Variants in SACM1L observed in about 807,000 individuals in gnomAD.
SACM1L encodes phosphatidylinositol-3-phosphatase SAC1.
A neutral mutation model predicts 89.5 loss-of-function variants in SACM1L; 32 were observed. The ratio of observed to expected loss-of-function variants is 0.36; its 90% CI spans 0.27 to 0.48. The LOEUF (loss-of-function observed/expected upper bound fraction) is 0.48. SACM1L is among the 20% of genes least tolerant of loss of function. The probability of loss-of-function intolerance (pLI) is 0.99; values close to 1 mark genes in which losing one functional copy is unlikely to be tolerated. For synonymous variants in SACM1L, 213 were observed against 232.8 expected, an observed-to-expected ratio of 0.92 and a Z score of 0.77; for missense variants, 543 against 708.5, an observed-to-expected ratio of 0.77 and a Z score of 2.65.
At chr3:45,723,395 A>T in intron 10 of SACM1L, 80 bp from the exon 11 acceptor site, 1 of 533,548 alleles carries the variant, frequency 1.9e-6, no homozygotes, top group Non-Finnish European at 2.8e-6. Context: ...GAGGTCCTTT[A>T]AAAATATTAT....
At chr3:45,738,759 A>C (rs1699257460) in intron 17 of SACM1L, 22 bp from the exon 18 acceptor site, 1 of 1,572,270 alleles carries the variant, frequency 6.4e-7, no homozygotes, top group Non-Finnish European at 8.7e-7. Context: ...TGAGTTTACG[A>C]ATTTCTTCCT....
At chr3:45,723,569 G>A (rs28694281) in intron 11 of SACM1L, 26 bp downstream of exon 11, 70 of 1,244,702 alleles carry the variant, frequency 5.6e-5, no homozygotes, top group South Asian at 1.4e-4. Context: ...TTCTTGGGGG[G>A]AAAAAAAAGC....
intron 7 of SACM1L, among the ~76,000 whole-genome samples, 158 bp downstream of exon 7, chr3:45,714,237 G>GGTTTTTTT (rs1698592063): frequency 5.4e-5 from 1 of 18,602 alleles, no homozygotes; most frequent in Non-Finnish European, 1.2e-4. Context: ...TTGCTATTTT[G>GGTTTTTTT]TTTGTTTTTT....
intron 1 of SACM1L, 123 bp downstream of exon 1, chr3:45,689,620 C>A: frequency 1.7e-6 from 2 of 1,209,480 alleles, no homozygotes; most frequent in Non-Finnish European, 2.4e-6. Context: ...TCGCATTTAC[C>A]GGTTTTCCTC....
intron 7 of SACM1L, among the ~76,000 whole-genome samples, chr3:45,718,008 G>A (rs545765742): frequency 2.0e-5 from 3 of 152,334 alleles, no homozygotes; most frequent in South Asian, 4.1e-4. Context: ...GAAGCAATAT[G>A]GAATTTCCTA....
intron 19 of SACM1L, among the ~76,000 whole-genome samples, chr3:45,742,262 G>T (rs1303745844): frequency 1.3e-5 from 2 of 152,208 alleles, no homozygotes; most frequent in Non-Finnish European, 2.9e-5. Flanking sequence ...TATATTTTGA[G>T]TAAAAAGAGA....
At chr3:45,739,763 T>C (rs1441154092) in intron 19 of SACM1L, 119 bp downstream of exon 19, 2 of 885,924 alleles carry the variant, frequency 2.3e-6, no homozygotes, top group East Asian at 4.8e-5. Flanking sequence ...ATGGGTAAAG[T>C]GGATGTGACA....
At chr3:45,714,866 C>T (rs559985411) in intron 7 of SACM1L, among the ~76,000 whole-genome samples, 6 of 152,256 alleles carry the variant, frequency 3.9e-5, no homozygotes, top group African/African-American at 1.4e-4. Flanking sequence ...CTCATGAGTG[C>T]CTATCCAGTT....
At chr3:45,711,987 T>C (rs921897647) in intron 5 of SACM1L, among the ~76,000 whole-genome samples, 3 of 152,252 alleles carry the variant, frequency 2.0e-5, no homozygotes, top group Admixed American at 1.3e-4. Context: ...CATTTAACTT[T>C]ATAGAAACAG....
chr3:45,700,413 GA>G (rs1387985187), intron 1 of SACM1L, among the ~76,000 whole-genome samples: 2 of 152,158 alleles, frequency 1.3e-5, no homozygotes, highest in Non-Finnish European at 2.9e-5. Context: ...TCACCTTCCT[GA>G]GACCTTTCTG....
rs1269547269 is a variant in SACM1L at position 45,744,741 on chromosome 3, G to A, written c.*1072G>A. ...AAAACAAACCTGAAAAATATGCTTCGGAAACTGTGCATAGTTCTAATTGTA... is the reference window on the plus strand; with the variant it reads ...AAAACAAACCTGAAAAATATGCTTCAGAAACTGTGCATAGTTCTAATTGTA... On this transcript the variant is annotated 3_prime_UTR_variant, in exon 20 of 20. Transcript: ENST00000389061. 5 of 152,646 alleles carry A rather than the reference G, an allele frequency of 3.3e-5. No homozygotes were observed. The highest frequency in any genetic ancestry group is 6.8e-3 in the Middle Eastern group (2 of 294). The allele number at this position is 152,646 out of a possible 1,614,324, so 9.5% of individuals were successfully genotyped here. A position where few individuals can be genotyped will look rare whatever the true frequency, so the allele number is the denominator to read the frequency against.
intron 11 of SACM1L, among the ~76,000 whole-genome samples, chr3:45,727,469 A>AAAATGTGT (rs1402559761): frequency 6.6e-6 from 1 of 152,166 alleles, no homozygotes; most frequent in Non-Finnish European, 1.5e-5. Context: ...TACTTGTAAA[A>AAAATGTGT]AAATGTGTAT....
intron 1 of SACM1L, among the ~76,000 whole-genome samples, chr3:45,699,910 TAATA>T (rs1342872739): frequency 6.6e-6 from 1 of 152,226 alleles, no homozygotes; most frequent in Non-Finnish European, 1.5e-5. Context: ...GCTGATTTTA[TAATA>T]AATACTTTAT....
At chr3:45,712,174 G>A (rs562718798) in intron 5 of SACM1L, among the ~76,000 whole-genome samples, 1 of 135,828 alleles carries the variant, frequency 7.4e-6, no homozygotes, top group South Asian at 2.1e-4. Context: ...TAGAGTCGGC[G>A]GTGCTGGTGG....
At chr3:45,741,506 C>A (rs1200779949) in intron 19 of SACM1L, among the ~76,000 whole-genome samples, 3 of 152,220 alleles carry the variant, frequency 2.0e-5, no homozygotes, top group Non-Finnish European at 4.4e-5. Context: ...TCTCCTTTGT[C>A]CAGGATATAG....
chr3:45,721,976 ATTC>A, intron 8 of SACM1L, 21 bp from the exon 9 acceptor site: 1 of 1,518,486 alleles, frequency 6.6e-7, no homozygotes, highest in Non-Finnish European at 9.1e-7. Context: ...AGTATAGTTA[ATTC>A]TTAATTTTTT....
chr3:45,732,036 ATCTTT>A lies in SACM1L; in HGVS notation c.1002-10_1002-6del. 6.8e-7 allele frequency: 1 copy of A among 1,461,020 alleles called. No individual in the cohort carries two copies. Among genetic ancestry groups the A allele is most frequent in the African/African-American group, 1.4e-5 (1 of 70,320 alleles). The allele number at this position is 1,461,020 out of a possible 1,614,324, so 90.5% of individuals were successfully genotyped here. On this transcript the variant is annotated splice_polypyrimidine_tract_variant and intron_variant, in intron 12 of 19. Transcript: ENST00000389061. ...AATGATCTCTGGTCGGTTTCTGAAT[ATCTTT>A]TCTTTTGGTAGATACATTGCCTTTG...
chr3:45,692,757 A>G (rs1698025124), intron 1 of SACM1L, among the ~76,000 whole-genome samples: 1 of 152,220 alleles, frequency 6.6e-6, no homozygotes, highest in African/African-American at 2.4e-5. Flanking sequence ...TTAGACACCA[A>G]ATGTTTACAT....
chr3:45,716,815 T>A (rs987899567), intron 7 of SACM1L, among the ~76,000 whole-genome samples: 1 of 152,160 alleles, frequency 6.6e-6, no homozygotes, highest in African/African-American at 2.4e-5. Flanking sequence ...AGACTAGAAG[T>A]AAATACACTC....
Sources: gnomAD v4.1 joint callset for allele counts (sites outside exome capture counted in the v4.1 genomes callset) on GRCh38, gnomAD v4.1.1 for gene constraint, MANE v1.5 for transcripts, NCBI Gene and HGNC (gene_info 2026-07-23, HGNC 2026-07-21) for gene names.